Variants in EIF2AK3 observed in about 807,000 individuals in gnomAD.
EIF2AK3 encodes eukaryotic translation initiation factor 2-alpha kinase 3.
A neutral mutation model predicts 113.5 loss-of-function variants in EIF2AK3; 50 were observed. The ratio of observed to expected loss-of-function variants is 0.44; its 90% CI spans 0.35 to 0.56. The LOEUF (loss-of-function observed/expected upper bound fraction) is 0.56, where lower values mean the gene tolerates loss of function less well. EIF2AK3 is among the 20% of genes least tolerant of loss of function. The pLI is 0.00. For missense variants in EIF2AK3, 1,185 were observed against 1,378.0 expected (o/e 0.86, Z 2.22); for synonymous variants, 448 against 495.4 (o/e 0.90, Z 1.27).
intron 13 of EIF2AK3, among the ~76,000 whole-genome samples, chr2:88,573,862 T>G (rs1296870996): frequency 1.3e-5 from 2 of 152,150 alleles, no homozygotes; most frequent in Non-Finnish European, 2.9e-5. Flanking sequence ...TTAAGCTACT[T>G]TCATCAGAAA....
chr2:88,590,602 AAAACT>A lies in EIF2AK3; in HGVS notation c.1003-2_1005del. On this transcript the variant is annotated splice_acceptor_variant and coding_sequence_variant, in exon 6 of 17. Coordinates refer to ENST00000303236, the MANE Select transcript of EIF2AK3 (RefSeq NM_004836.7). LOFTEE classifies it high-confidence loss of function. ...AACCAGGCAGATGCAATTGGAGTAC[AAAACT>A]AAACAAAAATGGAAAAAAGGTCTTA... 1 of 1,612,632 alleles carries A rather than the reference AAAACT, an allele frequency of 6.2e-7. No individual in the cohort carries two copies. Among genetic ancestry groups the A allele is most frequent in the Non-Finnish European group, 8.5e-7 (1 of 1,179,848 alleles).
intron 14 of EIF2AK3, 60 bp from the exon 15 acceptor site, chr2:88,562,450 C>T: frequency 1.5e-6 from 2 of 1,372,394 alleles, no homozygotes; most frequent in South Asian, 2.3e-5. Flanking sequence ...GTTGATATTA[C>T]AGCATTATTG....
rs779713603 is a variant in EIF2AK3 at position 88,576,691 on chromosome 2, C to T, written c.1899G>A (p.Arg633=). 1.9e-6 allele frequency: 3 copies of T among 1,613,832 alleles called. No homozygotes were observed. The highest frequency in any genetic ancestry group is 2.5e-6 in the Non-Finnish European group (3 of 1,180,008). The change falls in exon 12 of 17, where the codon CGG becomes CGA. Residue 633 remains arginine, a synonymous_variant. Coordinates refer to ENST00000303236, the MANE Select transcript of EIF2AK3 (RefSeq NM_004836.7). ...RIRLPNRELA[R]EKVMREVKAL... ...CTTTAACTTCTCGCATTACCTTTTCCCGAGCCAATTCCCTGAAAGAGAGAA... is the reference window on the plus strand; with the variant it reads ...CTTTAACTTCTCGCATTACCTTTTCTCGAGCCAATTCCCTGAAAGAGAGAA...
At chr2:88,604,490 T>C (rs1335395822) in intron 2 of EIF2AK3, among the ~76,000 whole-genome samples, 1 of 152,230 alleles carries the variant, frequency 6.6e-6, no homozygotes, top group Non-Finnish European at 1.5e-5. Flanking sequence ...TTATGCTTGT[T>C]AGAGTCTTTC....
At chr2:88,575,508 T>G (rs1227357831) in intron 12 of EIF2AK3, 62 bp from the exon 13 acceptor site, 11 of 1,567,118 alleles carry the variant, frequency 7.0e-6, no homozygotes, top group Non-Finnish European at 9.6e-6. Context: ...GTACCTGAAC[T>G]GCACCCTCTG....
chr2:88,603,072 T>A (rs1387498415), intron 2 of EIF2AK3, among the ~76,000 whole-genome samples: 1 of 152,158 alleles, frequency 6.6e-6, no homozygotes, highest in Non-Finnish European at 1.5e-5. Flanking sequence ...ATACTAGTTG[T>A]TTTGCAAACC....
intron 2 of EIF2AK3, among the ~76,000 whole-genome samples, chr2:88,597,194 T>C (rs1023568467): frequency 6.6e-6 from 1 of 152,250 alleles, no homozygotes; most frequent in Admixed American, 6.5e-5. Flanking sequence ...CCTGGGGTTT[T>C]GGAAGACAGA....
At chr2:88,565,157 C>T (rs1311308029) in intron 14 of EIF2AK3, among the ~76,000 whole-genome samples, 1 of 151,176 alleles carries the variant, frequency 6.6e-6, no homozygotes, top group Non-Finnish European at 1.5e-5. Context: ...CTGCCTCAGC[C>T]TCCCAAGTAG....
At chr2:88,625,778 TAAAC>T (rs1045053869) in intron 1 of EIF2AK3, among the ~76,000 whole-genome samples, 157 of 152,280 alleles carry the variant, frequency 1.0e-3, no homozygotes, top group African/African-American at 3.7e-3. Flanking sequence ...AAATTTATGA[TAAAC>T]AAAAACACTC....
intron 2 of EIF2AK3, among the ~76,000 whole-genome samples, chr2:88,607,300 A>C (rs2104460444): frequency 6.6e-6 from 1 of 152,360 alleles, no homozygotes; most frequent in East Asian, 1.9e-4. Context: ...GAATCTGAAT[A>C]TAAATTACTA....
upstream of EIF2AK3, chr2:88,627,682 T>C: frequency 5.6e-6 from 1 of 178,082 alleles, no homozygotes; most frequent in Non-Finnish European, 1.2e-5. Flanking sequence ...CCCCGACGTC[T>C]TTTTACCTGA....
Position 88,590,831 on chromosome 2 carries a change from T to G in EIF2AK3, c.989A>C (p.Glu330Ala), listed in dbSNP as rs370390181. ...GGTGTTAGGTACCTGGTACTCCCAT[T>G]CCAGATGTCCTCCCTTCTTACTGAA... Reference protein sequence around the residue: ...MAFSKKGGHLEWEYQFCTPIA... With the variant: ...MAFSKKGGHLAWEYQFCTPIA... The change falls in exon 5 of 17, where the codon GAA becomes GCA. Residue 330 changes from glutamate (E) to alanine (A), a missense_variant. By Grantham distance (107) the Glu-to-Ala change is moderately radical (BLOSUM62 -1). Around this residue, in one of 3 missense-constraint regions of EIF2AK3, gnomAD observed 877 missense variants for 1,024.2 expected, o/e 0.86. Coordinates refer to ENST00000303236, the MANE Select transcript of EIF2AK3 (RefSeq NM_004836.7). 23 of 1,613,922 alleles carry G rather than the reference T, an allele frequency of 1.4e-5. No homozygotes were observed. In the African/African-American group the frequency reaches 2.9e-4, roughly 21 times the overall value.
Position 88,575,168 on chromosome 2 carries a change from T to A in EIF2AK3, c.2315A>T (p.Glu772Val), listed in dbSNP as rs778904290. 47 of 1,613,660 alleles carry A rather than the reference T, an allele frequency of 2.9e-5. No homozygotes were observed. The highest frequency in any genetic ancestry group is 3.5e-5 in the Non-Finnish European group (41 of 1,179,780). The change falls in exon 13 of 17, where the codon GAA becomes GTA. Residue 772 changes from glutamate (E) to valine (V), a missense_variant. This residue lies in a region of EIF2AK3 where 877 missense variants were observed against 1,024.2 expected (regional missense o/e 0.86). Coordinates refer to ENST00000303236, the MANE Select transcript of EIF2AK3 (RefSeq NM_004836.7). Reference sequence around the variant, plus strand: ...ATCATTGCCATCCATAGTCCCATCTTCCACATCACAGTCTGTAAGGCAACT... The same window carrying A: ...ATCATTGCCATCCATAGTCCCATCTACCACATCACAGTCTGTAAGGCAACT... ...QDSCLTDCDV[E>V]DGTMDGNDEG... is the part of the protein sequence containing the mutation.
At position 88,593,370 on chromosome 2, in the gene EIF2AK3, T is replaced by C. The variant is rs758769407; in HGVS notation, c.669A>G (p.Gln223=). The change falls in exon 4 of 17, where the codon CAA becomes CAG. Residue 223 remains glutamine, a synonymous_variant. Transcript: ENST00000303236. ...CTTGTTCCATTTCGTCACTATCCCA[T>C]TGGCGACAACCCAGAGCTGAACAGA... ...RYICSALGCR[Q]WDSDEMEQEE... is the part of the protein sequence containing the mutation. The C allele has an allele frequency of 2.0e-5, 32 of 1,613,934 alleles. No homozygotes were observed. The Middle Eastern group carries it at 8.3e-4, about 42-fold the overall frequency.
In EIF2AK3 at chr2:88,593,287, C is replaced by T. The variant is rs558872999; in HGVS notation, c.752G>A (p.Arg251His). The T allele has an allele frequency of 1.5e-5, 24 of 1,614,008 alleles. No individual in the cohort carries two copies. The highest frequency in any genetic ancestry group is 3.3e-4 in the Middle Eastern group (2 of 6,062). The change falls in exon 4 of 17, where the codon CGC becomes CAC. Residue 251 changes from arginine to histidine, a missense_variant. Physicochemically the swap from Arg to His is conservative, Grantham distance 29. Around this residue, in one of 3 missense-constraint regions of EIF2AK3, gnomAD observed 119 missense variants for 178.7 expected, o/e 0.67. Transcript: ENST00000303236. ...TQKTVRAVGPRSGNEKWNFSV... is the reference protein window; with the variant it reads ...TQKTVRAVGPHSGNEKWNFSV... ...GAATACACACTTCTCATTGCCACTG[C>T]GAGGTCCGACAGCTCTAACAGTTTT...
chr2:88,562,405 A>G lies in EIF2AK3; in HGVS notation c.2986-15T>C. ...TTTCCATGAATCTGAAATCCCACATAAAGAAAATTTAAAAATTAACACAGA... is the reference window on the plus strand; with the variant it reads ...TTTCCATGAATCTGAAATCCCACATGAAGAAAATTTAAAAATTAACACAGA... On this transcript the variant is annotated splice_polypyrimidine_tract_variant and intron_variant, in intron 14 of 16. Coordinates refer to ENST00000303236, the MANE Select transcript of EIF2AK3 (RefSeq NM_004836.7). The G allele has an allele frequency of 6.2e-7, 1 of 1,603,182 alleles. No individual in the cohort carries two copies.
At chr2:88,612,252 G>A (rs1291052159) in intron 2 of EIF2AK3, among the ~76,000 whole-genome samples, 1 of 152,088 alleles carries the variant, frequency 6.6e-6, no homozygotes, top group Non-Finnish European at 1.5e-5. Flanking sequence ...ACACACACAT[G>A]CTTTGAACTA....
At chr2:88,622,414 C>T (rs886249358) in intron 1 of EIF2AK3, among the ~76,000 whole-genome samples, 5 of 152,178 alleles carry the variant, frequency 3.3e-5, no homozygotes, top group Admixed American at 1.3e-4. Context: ...TAAAGAGACA[C>T]GCTGAAGCTA....
intron 1 of EIF2AK3, among the ~76,000 whole-genome samples, chr2:88,615,313 C>T (rs1213436341): frequency 6.6e-6 from 1 of 152,204 alleles, no homozygotes; most frequent in East Asian, 1.9e-4. Flanking sequence ...TCAGTCATTC[C>T]CTACTAGAAT....
Sources: allele counts gnomAD v4.1 joint callset (sites outside exome capture counted in the v4.1 genomes callset), GRCh38; gene constraint gnomAD v4.1.1; regional missense constraint gnomAD v4.1.1; transcripts MANE v1.5; gene names NCBI Gene and HGNC (gene_info 2026-07-23, HGNC 2026-07-21).